The following NXPH1 variants were observed in gnomAD, a reference collection of about 807,000 sequenced individuals.
NXPH1 encodes neurexophilin-1.
Under a neutral mutation model 23.7 loss-of-function variants are expected in NXPH1, and 5 were observed. That is an observed-to-expected ratio of 0.21 (90% CI 0.11 to 0.44). The LOEUF is 0.44. Among genes scored for constraint, NXPH1 ranks in the 20% least tolerant of loss-of-function variants. The pLI is 0.99. For missense variants in NXPH1, 324 were observed against 321.6 expected, an observed-to-expected ratio of 1.01 and a Z score of -0.06; for synonymous variants, 144 against 122.2, an observed-to-expected ratio of 1.18 and a Z score of -1.18.
chr7:8,463,567 G>T (rs1310937255), intron 2 of NXPH1, among the ~76,000 whole-genome samples: 2 of 151,920 alleles, frequency 1.3e-5, no homozygotes, highest in Non-Finnish European at 2.9e-5. Context: ...TTTCCACCAA[G>T]AATGTATATG....
At chr7:8,602,175 C>G (rs1819376464) in intron 2 of NXPH1, among the ~76,000 whole-genome samples, 1 of 152,112 alleles carries the variant, frequency 6.6e-6, no homozygotes, top group African/African-American at 2.4e-5. Context: ...AAAAATTTTA[C>G]TTTTGTTAAT....
rs148090480 is a variant in NXPH1, at chr7:8,473,730, T to A, written c.54+37963T>A. Among the ~76,000 whole-genome samples, 16 of 140,930 alleles carry A rather than the reference T, an allele frequency of 1.1e-4. No homozygotes were observed. In the East Asian group the frequency reaches 4.2e-3, roughly 37 times the overall value. 92.5% of individuals were successfully genotyped at this position (140,930 alleles called of 152,430 possible). On this transcript the variant is annotated intron_variant, in intron 2 of 2. Coordinates refer to ENST00000405863, the MANE Select transcript of NXPH1 (RefSeq NM_152745.3). ...TGATTTGAGGTAGACATCAGAATGC[T>A]GTGTGTGTTTTTTTTTTTTTAAAGA...
chr7:8,577,279 A>T (rs777396992), intron 2 of NXPH1, among the ~76,000 whole-genome samples: 1 of 152,144 alleles, frequency 6.6e-6, no homozygotes, highest in Non-Finnish European at 1.5e-5. Flanking sequence ...TATACATTTT[A>T]TTCAGAGCTA....
intron 2 of NXPH1, among the ~76,000 whole-genome samples, chr7:8,606,638 G>C (rs1486480884): frequency 1.3e-5 from 1 of 76,062 alleles, no homozygotes; most frequent in Admixed American, 1.0e-4. Flanking sequence ...AAAGATACAG[G>C]ACTGCTGCCC....
At chr7:8,641,870 A>G (rs1166624510) in intron 2 of NXPH1, among the ~76,000 whole-genome samples, 1 of 152,130 alleles carries the variant, frequency 6.6e-6, no homozygotes, top group Non-Finnish European at 1.5e-5. Flanking sequence ...TTTTCTGTGA[A>G]TATATCACTA....
chr7:8,634,662 A>G (rs1332783422), intron 2 of NXPH1, among the ~76,000 whole-genome samples: 1 of 132,390 alleles, frequency 7.6e-6, no homozygotes, highest in African/African-American at 2.9e-5. Context: ...ATTGTCCAGA[A>G]GAGTTTTTTT....
intron 2 of NXPH1, among the ~76,000 whole-genome samples, chr7:8,648,532 A>G (rs889765548): frequency 3.3e-5 from 5 of 152,228 alleles, no homozygotes; most frequent in African/African-American, 9.6e-5. Context: ...TGCATTGTGT[A>G]TACACACCAC....
At chr7:8,584,870 A>G (rs532259365) in intron 2 of NXPH1, among the ~76,000 whole-genome samples, 2 of 152,294 alleles carry the variant, frequency 1.3e-5, no homozygotes, top group Non-Finnish European at 2.9e-5. Context: ...ACTTTGTACT[A>G]TGTATCTTAA....
chr7:8,606,070 G>A (rs916077916), intron 2 of NXPH1, among the ~76,000 whole-genome samples: 3 of 151,976 alleles, frequency 2.0e-5, no homozygotes, highest in Non-Finnish European at 2.9e-5. Flanking sequence ...TTTGTGCAAG[G>A]GATTGGGTAG....
intron 2 of NXPH1, among the ~76,000 whole-genome samples, chr7:8,682,764 A>T (rs968681700): frequency 9.2e-5 from 14 of 152,252 alleles, no homozygotes; most frequent in African/African-American, 3.4e-4. Context: ...AGAATGAGTG[A>T]TGCTTCTTCA....
intron 2 of NXPH1, among the ~76,000 whole-genome samples, chr7:8,666,626 T>C (rs1231394816): frequency 6.6e-6 from 1 of 152,108 alleles, no homozygotes. Flanking sequence ...ATTCTTTAGA[T>C]GTTAGAATTC....
At chr7:8,662,666 G>T (rs12702761) in intron 2 of NXPH1, among the ~76,000 whole-genome samples, 106,983 of 151,778 alleles carry the variant, frequency 0.7, 38,303 homozygotes, top group East Asian at 1. Context: ...GAGAAGTGAC[G>T]AAAGTCAGAT....
chr7:8,547,452 T>G (rs753658571), intron 2 of NXPH1, among the ~76,000 whole-genome samples: 5 of 151,300 alleles, frequency 3.3e-5, no homozygotes, highest in Non-Finnish European at 5.9e-5. Context: ...ATATGATAAA[T>G]AAATGAAAGA....
intron 2 of NXPH1, among the ~76,000 whole-genome samples, chr7:8,643,774 C>G (rs1820354052): frequency 6.6e-6 from 1 of 152,082 alleles, no homozygotes; most frequent in Non-Finnish European, 1.5e-5. Context: ...GAGTACCCTT[C>G]TATGATTATA....
chr7:8,473,371 A>G (rs1816905948), intron 2 of NXPH1, among the ~76,000 whole-genome samples: 1 of 152,098 alleles, frequency 6.6e-6, no homozygotes, highest in South Asian at 2.1e-4. Flanking sequence ...TCCCACTGCT[A>G]TTGATTTTCG....
rs1356556374 is a variant in NXPH1, at chr7:8,751,470, A to G, written c.517A>G (p.Ile173Val). 1 of 1,613,812 alleles carries G rather than the reference A, an allele frequency of 6.2e-7. No homozygotes were observed. The highest frequency in any genetic ancestry group is 1.1e-5 in the South Asian group (1 of 91,086). ...VSVSLVPPTKIVEFDLAQQTV... is the reference protein window; with the variant it reads ...VSVSLVPPTKVVEFDLAQQTV... ...TGTCAGCTTGGTACCCCCTACAAAAATCGTGGAATTTGACTTGGCACAACA... is the reference window on the plus strand; with the variant it reads ...TGTCAGCTTGGTACCCCCTACAAAAGTCGTGGAATTTGACTTGGCACAACA... Residue 173 changes from isoleucine (I) to valine (V), a missense_variant, in exon 3 of 3, where the codon ATC becomes GTC. By Grantham distance (29) the Ile-to-Val change is conservative. Transcript: ENST00000405863. This position sits in a 1 kb window ranked among gnomAD's most constrained non-coding sequence, Gnocchi z 4.5.
intron 2 of NXPH1, among the ~76,000 whole-genome samples, chr7:8,632,427 C>CT (rs1352996814): frequency 1.3e-5 from 2 of 152,114 alleles, no homozygotes; most frequent in Non-Finnish European, 2.9e-5. Context: ...GTCTTTGGCT[C>CT]TTTTTCTCTG....
chr7:8,463,275 A>G (rs1816724914), intron 2 of NXPH1, among the ~76,000 whole-genome samples: 1 of 152,078 alleles, frequency 6.6e-6, no homozygotes, highest in Non-Finnish European at 1.5e-5. Flanking sequence ...GGTATTACCA[A>G]ATGGTATCTA....
At chr7:8,536,584 A>G (rs1197778055) in intron 2 of NXPH1, among the ~76,000 whole-genome samples, 1 of 146,976 alleles carries the variant, frequency 6.8e-6, no homozygotes, top group Non-Finnish European at 1.5e-5. Context: ...TACAGAAAGG[A>G]GGCTATTGTG....
Sources: allele counts gnomAD v4.1 joint callset (sites outside exome capture counted in the v4.1 genomes callset), GRCh38; gene constraint gnomAD v4.1.1; non-coding constraint Gnocchi (gnomAD v3.1); transcripts MANE v1.5; gene names NCBI Gene and HGNC (gene_info 2026-07-23, HGNC 2026-07-21).